Variants in DHH observed in about 807,000 individuals in gnomAD.
DHH encodes desert hedgehog signaling molecule.
In DHH, 16 loss-of-function variants were observed where a neutral mutation model predicts 27.6. The observed-to-expected ratio is 0.58, with a 90% CI of 0.39 to 0.88. The LOEUF (loss-of-function observed/expected upper bound fraction) is 0.88. Ranked by LOEUF, DHH falls within the 40% of genes least tolerant of loss-of-function variation. The pLI, the probability that DHH is intolerant of heterozygous loss-of-function variation, is 0.00. For missense variants in DHH, 436 were observed against 563.1 expected (o/e 0.77, Z 2.28); for synonymous variants, 289 against 263.4 (o/e 1.10, Z -0.94).
intron 1 of DHH, among the ~76,000 whole-genome samples, chr12:49,092,511 C>G (rs1200293451): frequency 6.6e-6 from 1 of 152,128 alleles, no homozygotes. Context: ...TTTTTCTTTC[C>G]CCTCCGACCT....
Position 49,093,951 on chromosome 12 carries a change from C to T in DHH, c.303+259G>A, listed in dbSNP as rs904904640. On this transcript the variant is annotated intron_variant, in intron 1 of 2. Coordinates refer to ENST00000649637, the MANE Select transcript of DHH (RefSeq NM_021044.4). ...TCGCCTGCCGCCATCCTCCTTTCCCCGCCCTCGCTGCCTCTACCAGCTTCA... is the reference window on the plus strand; with the variant it reads ...TCGCCTGCCGCCATCCTCCTTTCCCTGCCCTCGCTGCCTCTACCAGCTTCA... 2.6e-5 allele frequency among the ~76,000 whole-genome samples: 4 copies of T among 152,226 alleles called. No homozygotes were observed. In the East Asian group the frequency reaches 5.8e-4, roughly 22 times the overall value.
In DHH at chr12:49,087,972, G is replaced by T. The variant is rs1466840782; in HGVS notation, c.*1887C>A. ...GTGTGGGTTGAGGGCAGCAGTGGGT[G>T]GAAGGACACCAAAGGTAAACTTGAC... On this transcript the variant is annotated 3_prime_UTR_variant, in exon 3 of 3. Coordinates refer to ENST00000649637, the MANE Select transcript of DHH (RefSeq NM_021044.4). Among the ~76,000 whole-genome samples the T allele has an allele frequency of 3.9e-5, 6 of 152,102 alleles. No individual in the cohort carries two copies. The highest frequency in any genetic ancestry group is 8.8e-5 in the Non-Finnish European group (6 of 68,006).
chr12:49,093,682 C>T (rs1939342917), intron 1 of DHH, among the ~76,000 whole-genome samples: 1 of 152,150 alleles, frequency 6.6e-6, no homozygotes, highest in South Asian at 2.1e-4. Flanking sequence ...GACACGTTTC[C>T]CATGCCAAAA....
Position 49,089,934 on chromosome 12 carries a change from G to A in DHH, c.1116C>T (p.Gly372=). The A allele has an allele frequency of 6.3e-7, 1 of 1,585,196 alleles. No homozygotes were observed. Among genetic ancestry groups the A allele is most frequent in the Non-Finnish European group, 8.6e-7 (1 of 1,166,724 alleles). Residue 372 remains glycine (G), a synonymous_variant, in exon 3 of 3, where the codon GGC becomes GGT. Coordinates refer to ENST00000649637, the MANE Select transcript of DHH (RefSeq NM_021044.4). The part of the protein sequence containing the change: ...LLHALGALLP[G]GAVQPTGMHW... ...GCATGCCAGTCGGCTGGACGGCCCCGCCGGGGAGCAGCGCCCCTAGCGCGT... is the reference window on the plus strand; with the variant it reads ...GCATGCCAGTCGGCTGGACGGCCCCACCGGGGAGCAGCGCCCCTAGCGCGT...
chr12:49,091,211 A>C lies in DHH; in HGVS notation c.482T>G (p.Leu161Trp). The C allele has an allele frequency of 6.2e-7, 1 of 1,614,252 alleles. No homozygotes were observed. The highest frequency in any genetic ancestry group is 1.6e-4 in the Middle Eastern group (1 of 6,062). The change falls in exon 2 of 3, where the codon TTG becomes TGG. Residue 161 changes from leucine to tryptophan, a missense_variant. Transcript: ENST00000649637. The surrounding 1 kb of genome is among the most constrained non-coding windows in gnomAD (Gnocchi z 4.8). ...TSDRDRNKYG[L>W]LARLAVEAGF... ...GGCTTCCACTGCGAGGCGCGCCAGC[A>C]ACCCATACTTGTTGCGGTCGCGGTC...
In DHH at chr12:49,089,796, C is replaced by G; in HGVS notation, c.*63G>C. 3 of 1,466,758 alleles carry G rather than the reference C, an allele frequency of 2.0e-6. No homozygotes were observed. The highest frequency in any genetic ancestry group is 2.7e-6 in the Non-Finnish European group (3 of 1,104,802). The allele number at this position is 1,466,758 out of a possible 1,614,324, so 90.9% of individuals were successfully genotyped here. A position where few individuals can be genotyped will look rare whatever the true frequency, so the allele number is the denominator to read the frequency against. On this transcript the variant is annotated 3_prime_UTR_variant, in exon 3 of 3. Coordinates refer to ENST00000649637, the MANE Select transcript of DHH (RefSeq NM_021044.4). ...TCGGCATCGTCTGCTGCCCACAGCC[C>G]CATATCTCAGCCAGCAGGCCCTCGT...
chr12:49,088,095 A>ATGAGGG lies in DHH; in HGVS notation c.*1763_*1764insCCCTCA, dbSNP rs1172428929. 6.6e-6 allele frequency among the ~76,000 whole-genome samples: 1 copy of ATGAGGG among 152,152 alleles called. No individual in the cohort carries two copies. Among genetic ancestry groups the ATGAGGG allele is most frequent in the Non-Finnish European group, 1.5e-5 (1 of 68,022 alleles). ...CTCAAGGGTCATGAGGGTGAGGGAC[A>ATGAGGG]TGAGGCGGCAACTTTGATACATAAG... On this transcript the variant is annotated 3_prime_UTR_variant, in exon 3 of 3. Transcript: ENST00000649637.
chr12:49,087,320 A>G lies in DHH; in HGVS notation c.*2539T>C, dbSNP rs954909471. ...ACAGGATGTAGTTTAAGGGAAACCAATGAGTTCTCCTTGTCCTGAAATATC... is the reference window on the plus strand; with the variant it reads ...ACAGGATGTAGTTTAAGGGAAACCAGTGAGTTCTCCTTGTCCTGAAATATC... On this transcript the variant is annotated 3_prime_UTR_variant, in exon 3 of 3. Transcript: ENST00000649637. Among the ~76,000 whole-genome samples the G allele has an allele frequency of 1.3e-5, 2 of 152,216 alleles. No homozygotes were observed. The highest frequency in any genetic ancestry group is 2.4e-5 in the African/African-American group (1 of 41,448).
At position 49,090,873 on chromosome 12, in the gene DHH, C is replaced by T. The variant is rs1291862559; in HGVS notation, c.565+255G>A. ...TACACCACCACGCCCAACTAATTTT[C>T]GTATTTATAATAGAGACGGGATTTC... On this transcript the variant is annotated intron_variant, in intron 2 of 2. Coordinates refer to ENST00000649637, the MANE Select transcript of DHH (RefSeq NM_021044.4). This position sits in a 1 kb window ranked among gnomAD's most constrained non-coding sequence, Gnocchi z 5.2. Among the ~76,000 whole-genome samples the T allele has an allele frequency of 1.3e-5, 2 of 152,062 alleles. No individual in the cohort carries two copies. Among genetic ancestry groups the T allele is most frequent in the Admixed American group, 6.6e-5 (1 of 15,266 alleles).
In DHH at chr12:49,089,740, C is replaced by G. The variant is rs1939260457; in HGVS notation, c.*119G>C. The G allele has an allele frequency of 7.4e-7, 1 of 1,351,506 alleles. No homozygotes were observed. The highest frequency in any genetic ancestry group is 1.5e-5 in the African/African-American group (1 of 66,930). 83.7% of individuals were successfully genotyped at this position (1,351,506 alleles called of 1,614,324 possible). ...CCTAAGCCAGGCATAGCCCCATTTT[C>G]TCCCTCCCCCTCCCTCTCCCTCCCT... On this transcript the variant is annotated 3_prime_UTR_variant, in exon 3 of 3. Coordinates refer to ENST00000649637, the MANE Select transcript of DHH (RefSeq NM_021044.4).
chr12:49,091,286 G>A lies in DHH; in HGVS notation c.407C>T (p.Ala136Val). The A allele has an allele frequency of 1.2e-6, 2 of 1,614,216 alleles. No homozygotes were observed. The highest frequency in any genetic ancestry group is 8.5e-7 in the Non-Finnish European group (1 of 1,180,050). ...GCCTTCGTAGTGGAGTGAATCCTGA[G>A]CGTGGTGGCCGTCCTCGTCCCAGCC... ...TEGWDEDGHHAQDSLHYEGRA... is the reference protein window; with the variant it reads ...TEGWDEDGHHVQDSLHYEGRA... Residue 136 changes from alanine to valine, a missense_variant, in exon 2 of 3, where the codon GCT becomes GTT. By Grantham distance (64) the Ala-to-Val change is moderately conservative (BLOSUM62 0). Coordinates refer to ENST00000649637, the MANE Select transcript of DHH (RefSeq NM_021044.4). The surrounding 1 kb of genome is among the most constrained non-coding windows in gnomAD (Gnocchi z 4.8).
rs201924739 is a variant in DHH at position 49,091,436 on chromosome 12, C to T, written c.304-47G>A. The stretch of plus-strand genomic sequence containing the variant: ...AGTCTCCCCACCACCACCCTTGGGG[C>T]AAAAGGGACCTGGATAGGAGGGTTG... On this transcript the variant is annotated intron_variant, in intron 1 of 2. Coordinates refer to ENST00000649637, the MANE Select transcript of DHH (RefSeq NM_021044.4). The surrounding 1 kb of genome is among the most constrained non-coding windows in gnomAD (Gnocchi z 4.8). 4.1e-4 allele frequency: 657 copies of T among 1,609,400 alleles called. 6 individuals are homozygous for T. In the South Asian group the frequency reaches 6.9e-3, roughly 17 times the overall value.
chr12:49,091,425 C>T lies in DHH; in HGVS notation c.304-36G>A. The stretch of plus-strand genomic sequence containing the variant: ...ATAAAGGAGTCAGTCTCCCCACCAC[C>T]ACCCTTGGGGCAAAAGGGACCTGGA... On this transcript the variant is annotated intron_variant, in intron 1 of 2. Coordinates refer to ENST00000649637, the MANE Select transcript of DHH (RefSeq NM_021044.4). This position sits in a 1 kb window ranked among gnomAD's most constrained non-coding sequence, Gnocchi z 4.8. 1 of 1,611,954 alleles carries T rather than the reference C, an allele frequency of 6.2e-7. No homozygotes were observed. The highest frequency in any genetic ancestry group is 8.5e-7 in the Non-Finnish European group (1 of 1,179,592).
In DHH at chr12:49,090,018, G is replaced by A. The variant is rs368687504; in HGVS notation, c.1032C>T (p.Tyr344=). 2.7e-5 allele frequency: 42 copies of A among 1,557,950 alleles called. No homozygotes were observed. Among genetic ancestry groups the A allele is most frequent in the Non-Finnish European group, 3.6e-5 (42 of 1,152,626 alleles). ...CCCACTGGTGACTCTCCAGAACCGC[G>A]TAGCAAGAGGCCAGGACATCGTTCA... ...LLVNDVLASC[Y]AVLESHQWAH... Residue 344 remains tyrosine (Y), a synonymous_variant, in exon 3 of 3, where the codon TAC becomes TAT. Coordinates refer to ENST00000649637, the MANE Select transcript of DHH (RefSeq NM_021044.4). The surrounding 1 kb of genome is among the most constrained non-coding windows in gnomAD (Gnocchi z 5.2).
rs1288957869 is a variant in DHH at position 49,088,566 on chromosome 12, C to T, written c.*1293G>A. On this transcript the variant is annotated 3_prime_UTR_variant, in exon 3 of 3. Transcript: ENST00000649637. The stretch of plus-strand genomic sequence containing the variant: ...GCCTCACCTCCACCCAAGACACTTC[C>T]CTTCTGGAGCAGCCCAGCTTCCTCC... Among the ~76,000 whole-genome samples the T allele has an allele frequency of 6.6e-6, 1 of 152,202 alleles. No individual in the cohort carries two copies. The highest frequency in any genetic ancestry group is 1.5e-5 in the Non-Finnish European group (1 of 68,044).
At position 49,087,675 on chromosome 12, in the gene DHH, C is replaced by T. The variant is rs993296140; in HGVS notation, c.*2184G>A. ...CCAAGGTCACACCACTGCACTCCAGCGTGGGCAACAGAGCGAGATCCTGTC... is the reference window on the plus strand; with the variant it reads ...CCAAGGTCACACCACTGCACTCCAGTGTGGGCAACAGAGCGAGATCCTGTC... On this transcript the variant is annotated 3_prime_UTR_variant, in exon 3 of 3. Coordinates refer to ENST00000649637, the MANE Select transcript of DHH (RefSeq NM_021044.4). Among the ~76,000 whole-genome samples, 2 of 152,122 alleles carry T rather than the reference C, an allele frequency of 1.3e-5. No individual in the cohort carries two copies. Among genetic ancestry groups the T allele is most frequent in the Non-Finnish European group, 2.9e-5 (2 of 68,014 alleles).
At position 49,090,431 on chromosome 12, in the gene DHH, G is replaced by A. The variant is rs776639397; in HGVS notation, c.619C>T (p.Arg207Cys). The A allele has an allele frequency of 2.5e-6, 4 of 1,608,420 alleles. No individual in the cohort carries two copies. The East Asian group carries it at 6.7e-5, about 27-fold the overall frequency. The change falls in exon 3 of 3, where the codon CGC becomes TGC. Residue 207 changes from arginine (R) to cysteine (C), a missense_variant. Coordinates refer to ENST00000649637, the MANE Select transcript of DHH (RefSeq NM_021044.4). This position sits in a 1 kb window ranked among gnomAD's most constrained non-coding sequence, Gnocchi z 5.2. ...GGCFPGNATVRLWSGERKGLR... is the reference protein window; with the variant it reads ...GGCFPGNATVCLWSGERKGLR... ...CCTTTCCGCTCGCCGCTCCACAGGC[G>A]CACAGTTGCATTTCCCGGAAAGCAG...
chr12:49,091,006 G>A lies in DHH; in HGVS notation c.565+122C>T, dbSNP rs1416505274. 3.4e-6 allele frequency: 5 copies of A among 1,460,914 alleles called. No individual in the cohort carries two copies. Among genetic ancestry groups the A allele is most frequent in the African/African-American group, 1.4e-5 (1 of 71,960 alleles). The allele number at this position is 1,460,914 out of a possible 1,614,324, so 90.5% of individuals were successfully genotyped here. ...CGTGAGGCACCGCCTCGGCCTGGAC[G>A]GGTGGTTTTCAACACTAAAGCCCGC... On this transcript the variant is annotated intron_variant, in intron 2 of 2. Coordinates refer to ENST00000649637, the MANE Select transcript of DHH (RefSeq NM_021044.4). The surrounding 1 kb of genome is among the most constrained non-coding windows in gnomAD (Gnocchi z 4.8).
Position 49,087,594 on chromosome 12 carries a change from T to C in DHH, c.*2265A>G, listed in dbSNP as rs1037759882. 2.6e-5 allele frequency among the ~76,000 whole-genome samples: 4 copies of C among 152,228 alleles called. No individual in the cohort carries two copies. Among genetic ancestry groups the C allele is most frequent in the African/African-American group, 9.6e-5 (4 of 41,524 alleles). ...GGCATGCACCTGTAGTCCCAGCTAC[T>C]TGAGAGGCTGAGGTGGGAGGATTGC... On this transcript the variant is annotated 3_prime_UTR_variant, in exon 3 of 3. Transcript: ENST00000649637.
Sources: gnomAD v4.1 joint callset for allele counts (sites outside exome capture counted in the v4.1 genomes callset) on GRCh38, gnomAD v4.1.1 for gene constraint, Gnocchi (gnomAD v3.1) non-coding constraint, MANE v1.5 for transcripts, NCBI Gene and HGNC (gene_info 2026-07-23, HGNC 2026-07-21) for gene names.